Variants in ATRNL1 observed in about 807,000 individuals in gnomAD.
The protein encoded by ATRNL1 is attractin like 1, also known as attractin-like protein 1.
In ATRNL1, 95 loss-of-function variants were observed where a neutral mutation model predicts 182.7. The ratio of observed to expected loss-of-function variants is 0.52; its 90% CI spans 0.44 to 0.62. ATRNL1 has a LOEUF of 0.62. Ranked by LOEUF, ATRNL1 falls within the 20% of genes least tolerant of loss-of-function variation. ATRNL1 has a pLI of 0.00. For synonymous variants in ATRNL1, 576 were observed against 568.3 expected, an observed-to-expected ratio of 1.01 and a Z score of -0.19; for missense variants, 1,471 against 1,679.5, an observed-to-expected ratio of 0.88 and a Z score of 2.17.
Position 115,202,960 on chromosome 10 carries a change from GGA to G in ATRNL1, c.1349-12733_1349-12732del, listed in dbSNP as rs1169763188. Among the ~76,000 whole-genome samples the G allele has an allele frequency of 2.6e-5, 4 of 151,340 alleles. No homozygotes were observed. The East Asian group carries it at 7.7e-4, about 29-fold the overall frequency. On this transcript the variant is annotated intron_variant, in intron 8 of 28. Coordinates refer to ENST00000355044, the MANE Select transcript of ATRNL1 (RefSeq NM_207303.4). ...TCAACTTCTTCCTGGTTTAGTCTTG[GGA>G]GAGTGTATGTGTCGAGGAATTTATC...
intron 25 of ATRNL1, among the ~76,000 whole-genome samples, chr10:115,531,233 C>G (rs1236728632): frequency 1.2e-3 from 177 of 152,144 alleles, no homozygotes; most frequent in Admixed American, 4.0e-3. Flanking sequence ...AACTAGTTTA[C>G]AGTCCCACCA....
At chr10:115,492,695 G>C (rs565394647) in intron 24 of ATRNL1, among the ~76,000 whole-genome samples, 1 of 144,168 alleles carries the variant, frequency 6.9e-6, no homozygotes, top group Non-Finnish European at 1.5e-5. Context: ...CTAGGCTGGA[G>C]TGTAGTGGCA....
intron 21 of ATRNL1, among the ~76,000 whole-genome samples, chr10:115,427,719 A>G (rs1459052713): frequency 6.6e-6 from 1 of 152,112 alleles, no homozygotes; most frequent in Non-Finnish European, 1.5e-5. Flanking sequence ...ACCTTTGCTG[A>G]AAAACACTTG....
intron 28 of ATRNL1, among the ~76,000 whole-genome samples, chr10:115,944,075 A>G (rs944813926): frequency 5.9e-5 from 9 of 151,874 alleles, no homozygotes; most frequent in African/African-American, 2.2e-4. Context: ...ATTTTAGGGC[A>G]GTGAAACTAT....
chr10:115,502,717 G>C (rs1041758196), intron 24 of ATRNL1, among the ~76,000 whole-genome samples: 2 of 152,056 alleles, frequency 1.3e-5, no homozygotes, highest in African/African-American at 4.8e-5. Flanking sequence ...TGACATTAAT[G>C]ATTGATTTAT....
chr10:115,240,590 A>G (rs1850377366), intron 9 of ATRNL1, among the ~76,000 whole-genome samples: 1 of 152,064 alleles, frequency 6.6e-6, no homozygotes, highest in African/African-American at 2.4e-5. Context: ...AATTGGTATT[A>G]TAATCCATGG....
intron 26 of ATRNL1, among the ~76,000 whole-genome samples, chr10:115,619,742 A>G (rs1555022062): frequency 6.6e-6 from 1 of 152,234 alleles, no homozygotes; most frequent in Admixed American, 6.5e-5. Context: ...AATATTTTAA[A>G]TTACATAAAA....
intron 8 of ATRNL1, among the ~76,000 whole-genome samples, chr10:115,192,710 A>AACATGGGATATT (rs879965974): frequency 0.012 from 1,788 of 151,706 alleles, 33 homozygotes; most frequent in African/African-American, 0.04. Flanking sequence ...ATTTTTCCAA[A>AACATGGGATATT]TCCGTTTTTT....
chr10:115,626,044 C>A (rs900512498), intron 26 of ATRNL1, among the ~76,000 whole-genome samples: 1 of 152,140 alleles, frequency 6.6e-6, no homozygotes, highest in Non-Finnish European at 1.5e-5. Context: ...CATGGTATAT[C>A]TCCATGCCCC....
At chr10:115,636,500 T>C (rs1464978230) in intron 26 of ATRNL1, among the ~76,000 whole-genome samples, 1 of 152,192 alleles carries the variant, frequency 6.6e-6, no homozygotes, top group Non-Finnish European at 1.5e-5. Context: ...CATAGTTATG[T>C]CAAGACCTAC....
intron 26 of ATRNL1, among the ~76,000 whole-genome samples, chr10:115,647,822 G>A (rs1052917498): frequency 2.0e-5 from 3 of 152,116 alleles, no homozygotes; most frequent in Non-Finnish European, 4.4e-5. Context: ...TGTCAATTTT[G>A]GCTTTTGTTG....
intron 26 of ATRNL1, among the ~76,000 whole-genome samples, chr10:115,703,010 A>G (rs1253388698): frequency 2.0e-5 from 3 of 151,926 alleles, no homozygotes; most frequent in African/African-American, 7.2e-5. Context: ...ACTTCAAACT[A>G]TACTACAAGA....
chr10:115,107,141 T>C (rs1212373220), intron 1 of ATRNL1, among the ~76,000 whole-genome samples: 1 of 152,148 alleles, frequency 6.6e-6, no homozygotes, highest in African/African-American at 2.4e-5. Flanking sequence ...GAGCCTTCAC[T>C]CAGTCCAGCA....
rs190659973 is a variant in ATRNL1, at chr10:115,242,609, A to G, written c.1687+884A>G. ...CACATTTAATAGATGTAAGAAGTAT[A>G]CTTTTTCTCTTAAACCTCATAAAGG... On this transcript the variant is annotated intron_variant, in intron 10 of 28. Coordinates refer to ENST00000355044, the MANE Select transcript of ATRNL1 (RefSeq NM_207303.4). Among the ~76,000 whole-genome samples the G allele has an allele frequency of 5.3e-5, 8 of 152,158 alleles. No homozygotes were observed. The East Asian group carries it at 1.5e-3, about 29-fold the overall frequency.
chr10:115,362,527 T>C (rs1010096609), intron 19 of ATRNL1, among the ~76,000 whole-genome samples: 37 of 152,142 alleles, frequency 2.4e-4, no homozygotes, highest in African/African-American at 8.7e-4. Context: ...TTGTTTTTTT[T>C]TTTTTATTAT....
intron 1 of ATRNL1, 97 bp downstream of exon 1, chr10:115,094,140 C>T: frequency 8.5e-7 from 1 of 1,181,996 alleles, no homozygotes; most frequent in Non-Finnish European, 1.1e-6. Context: ...CCCGTCGCTG[C>T]CTCTGATCCC....
At chr10:115,362,151 C>G (rs190523702) in intron 19 of ATRNL1, among the ~76,000 whole-genome samples, 3 of 151,990 alleles carry the variant, frequency 2.0e-5, no homozygotes, top group Admixed American at 1.3e-4. Context: ...GGTTGTAAAT[C>G]TAGGGCTTTT....
chr10:115,790,049 AT>A (rs2134208857), intron 27 of ATRNL1, among the ~76,000 whole-genome samples: 1 of 152,286 alleles, frequency 6.6e-6, no homozygotes, highest in Non-Finnish European at 1.5e-5. Flanking sequence ...GAATAAAGAT[AT>A]TTGTATTCCA....
At chr10:115,603,050 T>A (rs1368883537) in intron 26 of ATRNL1, among the ~76,000 whole-genome samples, 1 of 152,130 alleles carries the variant, frequency 6.6e-6, no homozygotes, top group Non-Finnish European at 1.5e-5. Flanking sequence ...GTAGCTTCTG[T>A]CTCCATGTAG....
Sources: allele counts gnomAD v4.1 joint callset (sites outside exome capture counted in the v4.1 genomes callset), GRCh38; gene constraint gnomAD v4.1.1; transcripts MANE v1.5; gene names NCBI Gene and HGNC (gene_info 2026-07-23, HGNC 2026-07-21).